Variants in STRN observed in about 807,000 individuals in gnomAD.
The protein encoded by STRN is striatin, also known as protein phosphatase 2 regulatory subunit B'''alpha.
In STRN, 53 loss-of-function variants were observed where a neutral mutation model predicts 96.3. The observed-to-expected ratio is 0.55, with a 90% CI of 0.44 to 0.69. STRN has a LOEUF of 0.69. Ranked by LOEUF, STRN falls within the 30% of genes least tolerant of loss-of-function variation. The probability of loss-of-function intolerance (pLI) is 0.00; values close to 1 mark genes in which losing one functional copy is unlikely to be tolerated. For missense variants in STRN, 987 were observed against 963.9 expected, an observed-to-expected ratio of 1.02 and a Z score of -0.32; for synonymous variants, 428 against 355.9, an observed-to-expected ratio of 1.20 and a Z score of -2.28.
At position 36,878,749 on chromosome 2, in the gene STRN, CT is replaced by C. The variant is rs896386535; in HGVS notation, c.1187-723del. 9.3e-5 allele frequency among the ~76,000 whole-genome samples: 14 copies of C among 150,948 alleles called. No homozygotes were observed. The East Asian group carries it at 1.4e-3, about 15-fold the overall frequency. On this transcript the variant is annotated intron_variant, in intron 9 of 17. Coordinates refer to ENST00000263918, the MANE Select transcript of STRN (RefSeq NM_003162.4). ...TAAAATTTTTTTTTATTTTTTATTT[CT>C]TTTTTTTTATGTTTTTTTCTGAGAC...
chr2:36,877,820 C>T, intron 10 of STRN, 71 bp downstream of exon 10: 1 of 1,569,032 alleles, frequency 6.4e-7, no homozygotes, highest in Non-Finnish European at 8.7e-7. Flanking sequence ...CAGGCGTGAG[C>T]CACCGCACCC....
intron 3 of STRN, among the ~76,000 whole-genome samples, chr2:36,908,450 T>G (rs538797075): frequency 1.2e-4 from 19 of 152,332 alleles, no homozygotes; most frequent in Non-Finnish European, 2.5e-4. Flanking sequence ...TCTGTAAGAT[T>G]CTGGAATTCA....
At chr2:36,929,436 T>G (rs1447448254) in intron 1 of STRN, among the ~76,000 whole-genome samples, 1 of 151,612 alleles carries the variant, frequency 6.6e-6, no homozygotes, top group African/African-American at 2.4e-5. Context: ...CAGGCTGGAG[T>G]GCAGTGGTGC....
Position 36,849,119 on chromosome 2 carries a change from T to G in STRN, c.*337A>C. ...TATCAAGCTTTTAAATTATCCATTG[T>G]AGCATGCCCTACTTACTCAACAGGG... On this transcript the variant is annotated 3_prime_UTR_variant, in exon 18 of 18. Transcript: ENST00000263918. The G allele has an allele frequency of 4.5e-6, 1 of 220,152 alleles. No homozygotes were observed. Among genetic ancestry groups the G allele is most frequent in the Non-Finnish European group, 9.1e-6 (1 of 110,218 alleles). The allele number at this position is 220,152 out of a possible 1,614,324, so 13.6% of individuals were successfully genotyped here.
intron 1 of STRN, among the ~76,000 whole-genome samples, chr2:36,959,593 T>A (rs1429589817): frequency 1.3e-5 from 2 of 152,204 alleles, no homozygotes; most frequent in African/African-American, 2.4e-5. Flanking sequence ...ACTCTGTCAT[T>A]ACATCTCAGT....
intron 2 of STRN, among the ~76,000 whole-genome samples, chr2:36,924,891 T>A (rs1452596596): frequency 6.6e-6 from 1 of 152,108 alleles, no homozygotes; most frequent in Non-Finnish European, 1.5e-5. Context: ...ACCATGACTC[T>A]ACTAAAAATA....
intron 7 of STRN, among the ~76,000 whole-genome samples, chr2:36,891,201 T>G (rs1344479084): frequency 6.6e-6 from 1 of 152,180 alleles, no homozygotes; most frequent in South Asian, 2.1e-4. Context: ...AGTAACTTAC[T>G]TTAACACCTC....
At chr2:36,933,699 G>T (rs1670631330) in intron 1 of STRN, among the ~76,000 whole-genome samples, 1 of 152,152 alleles carries the variant, frequency 6.6e-6, no homozygotes, top group South Asian at 2.1e-4. Context: ...TGACCTCCTG[G>T]GCTCAGGCGA....
At chr2:36,887,316 C>A (rs193241120) in intron 7 of STRN, among the ~76,000 whole-genome samples, 3 of 118,880 alleles carry the variant, frequency 2.5e-5, no homozygotes, top group African/African-American at 2.9e-5. Flanking sequence ...TAAATAAATA[C>A]AAAATTAGCC....
intron 1 of STRN, among the ~76,000 whole-genome samples, chr2:36,964,541 C>CGACTAAA (rs1185771091): frequency 6.6e-6 from 1 of 151,992 alleles, no homozygotes; most frequent in Non-Finnish European, 1.5e-5. Flanking sequence ...TAGACTAGAT[C>CGACTAAA]GACTAAATAC....
intron 2 of STRN, among the ~76,000 whole-genome samples, chr2:36,924,295 G>A (rs1256598118): frequency 6.8e-6 from 1 of 146,852 alleles, no homozygotes; most frequent in East Asian, 2.0e-4. Flanking sequence ...GGTGGAGCTT[G>A]CAGTGAGCTG....
intron 3 of STRN, among the ~76,000 whole-genome samples, chr2:36,913,357 C>T (rs1468061225): frequency 6.6e-6 from 1 of 152,154 alleles, no homozygotes; most frequent in African/African-American, 2.4e-5. Flanking sequence ...TCCAGGTATC[C>T]CATTTCTCAA....
intron 12 of STRN, among the ~76,000 whole-genome samples, chr2:36,867,007 G>A (rs751771850): frequency 2.0e-5 from 3 of 152,092 alleles, no homozygotes; most frequent in African/African-American, 4.8e-5. Context: ...TTTAATTGGG[G>A]CATTTAGCCC....
intron 10 of STRN, among the ~76,000 whole-genome samples, chr2:36,870,673 C>G (rs574862980): frequency 9.2e-5 from 14 of 152,278 alleles, no homozygotes; most frequent in Non-Finnish European, 1.9e-4. Context: ...TAATTATGTA[C>G]AGAACACAAT....
intron 2 of STRN, among the ~76,000 whole-genome samples, chr2:36,924,868 C>A (rs920523441): frequency 6.6e-6 from 1 of 152,140 alleles, no homozygotes; most frequent in Non-Finnish European, 1.5e-5. Flanking sequence ...ACCAGCCTGA[C>A]CAACATGGGG....
intron 10 of STRN, among the ~76,000 whole-genome samples, chr2:36,876,041 G>A (rs1321743217): frequency 6.6e-6 from 1 of 152,160 alleles, no homozygotes; most frequent in African/African-American, 2.4e-5. Flanking sequence ...GGCTGAGGCA[G>A]GTGAACTGCT....
intron 1 of STRN, among the ~76,000 whole-genome samples, chr2:36,941,519 G>T (rs985971059): frequency 6.6e-6 from 1 of 151,272 alleles, no homozygotes; most frequent in South Asian, 2.1e-4. Flanking sequence ...CAGAATCATG[G>T]TGCAAAATTT....
chr2:36,849,585 C>G lies in STRN; in HGVS notation c.2214G>C (p.Lys738Asn), dbSNP rs753092534. The change falls in exon 18 of 18, where the codon AAG becomes AAC. Residue 738 changes from lysine (K) to asparagine (N), a missense_variant. Coordinates refer to ENST00000263918, the MANE Select transcript of STRN (RefSeq NM_003162.4). ...GAGCTGTGAATTCTTGGATACACGT[C>G]TTACTTTCTAGATTCCATAAACGTA... ...CSIRLWNLES[K>N]TCIQEFTAHR... 6.2e-7 allele frequency: 1 copy of G among 1,614,020 alleles called. No individual in the cohort carries two copies. Among genetic ancestry groups the G allele is most frequent in the Non-Finnish European group, 8.5e-7 (1 of 1,179,992 alleles).
At chr2:36,919,516 C>A (rs185830742) in intron 2 of STRN, among the ~76,000 whole-genome samples, 1 of 151,670 alleles carries the variant, frequency 6.6e-6, no homozygotes, top group Admixed American at 6.6e-5. Context: ...CAAAAAACAG[C>A]AGACAGAATA....
Sources: allele counts gnomAD v4.1 joint callset (sites outside exome capture counted in the v4.1 genomes callset), GRCh38; gene constraint gnomAD v4.1.1; transcripts MANE v1.5; gene names NCBI Gene and HGNC (gene_info 2026-07-23, HGNC 2026-07-21).